Variants in ADAM9 observed in about 807,000 individuals in gnomAD.
The protein encoded by ADAM9 is disintegrin and metalloproteinase domain-containing protein 9.
ADAM9 carries 54 observed loss-of-function variants against 108.1 expected under a neutral mutation model. The ratio of observed to expected loss-of-function variants is 0.50; its 90% CI spans 0.40 to 0.63. The LOEUF (loss-of-function observed/expected upper bound fraction) is 0.63. Among genes scored for constraint, ADAM9 ranks in the 20% least tolerant of loss-of-function variants. The pLI is 0.00. For synonymous variants in ADAM9, 316 were observed against 336.0 expected, an observed-to-expected ratio of 0.94 and a Z score of 0.65; for missense variants, 830 against 997.7, an observed-to-expected ratio of 0.83 and a Z score of 2.26.
chr8:39,083,850 G>T (rs900466550), intron 18 of ADAM9, among the ~76,000 whole-genome samples: 1 of 152,104 alleles, frequency 6.6e-6, no homozygotes, highest in Non-Finnish European at 1.5e-5. Flanking sequence ...CTACCAGCTA[G>T]AATGACTAGT....
chr8:39,030,547 T>A (rs1837064770), intron 11 of ADAM9, among the ~76,000 whole-genome samples: 1 of 152,224 alleles, frequency 6.6e-6, no homozygotes. Context: ...TGAAAAAAGC[T>A]GCCATAAGTG....
At chr8:39,008,179 T>TA (rs1332565284) in intron 2 of ADAM9, among the ~76,000 whole-genome samples, 196 bp downstream of exon 2, 1 of 151,962 alleles carries the variant, frequency 6.6e-6, no homozygotes, top group East Asian at 1.9e-4. Flanking sequence ...TATCCTTTTT[T>TA]TTTTTTTAAA....
chr8:39,103,079 G>C (rs1246321112), intron 21 of ADAM9, among the ~76,000 whole-genome samples: 1 of 152,220 alleles, frequency 6.6e-6, no homozygotes, highest in Non-Finnish European at 1.5e-5. Context: ...AGTGTTACTG[G>C]AGTAGAGGTG....
intron 1 of ADAM9, among the ~76,000 whole-genome samples, chr8:39,007,200 G>A (rs1261577328): frequency 6.6e-6 from 1 of 152,166 alleles, no homozygotes; most frequent in Non-Finnish European, 1.5e-5. Flanking sequence ...AGATGGGGGA[G>A]AGAGGCTCTT....
chr8:39,101,881 T>C lies in ADAM9; in HGVS notation c.2317T>C (p.Phe773Leu). 6.2e-7 allele frequency: 1 copy of C among 1,613,638 alleles called. No homozygotes were observed. Among genetic ancestry groups the C allele is most frequent in the Non-Finnish European group, 8.5e-7 (1 of 1,179,638 alleles). ...PREVPIYANR[F>L]AVPTYAAKQP... Reference sequence around the variant, plus strand: ...TTTTTAGCCTATATATGCAAACAGATTTGCAGTACCAACCTATGCAGCCAA... The same window carrying C: ...TTTTTAGCCTATATATGCAAACAGACTTGCAGTACCAACCTATGCAGCCAA... Residue 773 changes from phenylalanine to leucine, a missense_variant, in exon 21 of 22, where the codon TTT becomes CTT. By Grantham distance (22) the Phe-to-Leu change is conservative (BLOSUM62 0). Around this residue, in one of 3 missense-constraint regions of ADAM9, gnomAD observed 238 missense variants for 235.7 expected, o/e 1.01. Transcript: ENST00000487273.
At chr8:39,103,402 T>C (rs1839761238) in intron 21 of ADAM9, among the ~76,000 whole-genome samples, 1 of 151,972 alleles carries the variant, frequency 6.6e-6, no homozygotes, top group Non-Finnish European at 1.5e-5. Flanking sequence ...TATGGAGTAA[T>C]ATTATTTAAA....
At chr8:39,031,351 C>T (rs573318712) in intron 11 of ADAM9, among the ~76,000 whole-genome samples, 1 of 152,300 alleles carries the variant, frequency 6.6e-6, no homozygotes, top group East Asian at 1.9e-4. Flanking sequence ...GCTCCTTTGT[C>T]AGAGATCAGT....
chr8:39,054,401 A>T, intron 12 of ADAM9, 80 bp from the exon 13 acceptor site: 1 of 1,220,834 alleles, frequency 8.2e-7, no homozygotes, highest in Non-Finnish European at 1.2e-6. Context: ...AGTAGATTTT[A>T]GGTGTAAGAT....
chr8:39,041,071 T>C (rs758957230), intron 11 of ADAM9, among the ~76,000 whole-genome samples: 55 of 152,106 alleles, frequency 3.6e-4, no homozygotes, highest in Middle Eastern at 3.2e-3. Flanking sequence ...CACCAAAAAC[T>C]CAGTCTACAA....
intron 11 of ADAM9, among the ~76,000 whole-genome samples, chr8:39,030,991 AAT>A (rs1262657472): frequency 1.3e-5 from 2 of 152,182 alleles, no homozygotes; most frequent in African/African-American, 4.8e-5. Context: ...TCTTTTATCA[AAT>A]ATGTCTTTTG....
At chr8:39,005,791 A>G (rs181405360) in intron 1 of ADAM9, among the ~76,000 whole-genome samples, 1 of 152,226 alleles carries the variant, frequency 6.6e-6, no homozygotes, top group Non-Finnish European at 1.5e-5. Context: ...ATAGGATATG[A>G]TGGGTAGCAA....
At chr8:39,035,352 GTC>G (rs1021846820) in intron 11 of ADAM9, among the ~76,000 whole-genome samples, 2 of 151,910 alleles carry the variant, frequency 1.3e-5, no homozygotes, top group Admixed American at 6.6e-5. Flanking sequence ...TGTCACTTTT[GTC>G]TCTGATCATA....
At chr8:39,038,657 C>T (rs1004616677) in intron 11 of ADAM9, among the ~76,000 whole-genome samples, 1 of 152,262 alleles carries the variant, frequency 6.6e-6, no homozygotes, top group East Asian at 1.9e-4. Flanking sequence ...TCATCCCTTG[C>T]ACCAAGAAGA....
chr8:39,054,577 A>G lies in ADAM9; in HGVS notation c.1395+4A>G. 1.3e-6 allele frequency: 2 copies of G among 1,541,334 alleles called. No homozygotes were observed. The highest frequency in any genetic ancestry group is 1.8e-6 in the Non-Finnish European group (2 of 1,118,940). On this transcript the variant is annotated splice_donor_region_variant and intron_variant, in intron 13 of 21. Coordinates refer to ENST00000487273, the MANE Select transcript of ADAM9 (RefSeq NM_003816.3). ...TGACTGTTGTAAAGACTGTCGGGTA[A>G]GGAATTCCTCCCTTTTGGAAACAGG... is the stretch of plus-strand genomic sequence containing the variant.
chr8:39,018,564 A>G (rs1468655145), intron 6 of ADAM9: 1 of 383,980 alleles, frequency 2.6e-6, no homozygotes, highest in Non-Finnish European at 4.8e-6. Context: ...TGTAACTAAC[A>G]TTTTTCTCAT....
At chr8:39,036,041 A>G (rs765393431) in intron 11 of ADAM9, among the ~76,000 whole-genome samples, 3 of 149,376 alleles carry the variant, frequency 2.0e-5, no homozygotes, top group Non-Finnish European at 3.0e-5. Flanking sequence ...TTTTTTTTTT[A>G]GATGCTAGTG....
chr8:39,030,067 A>G (rs574850703), intron 11 of ADAM9, among the ~76,000 whole-genome samples: 29 of 152,252 alleles, frequency 1.9e-4, no homozygotes, highest in African/African-American at 6.5e-4. Context: ...ACAGAGTGGT[A>G]TGGTTGTTAA....
chr8:39,014,571 T>A lies in ADAM9; in HGVS notation c.333+528T>A, dbSNP rs1395984117. 5.7e-6 allele frequency: 4 copies of A among 702,500 alleles called. No individual in the cohort carries two copies. In the African/African-American group the frequency reaches 7.0e-5, roughly 12 times the overall value. 43.5% of individuals were successfully genotyped at this position (702,500 alleles called of 1,614,324 possible). On this transcript the variant is annotated intron_variant, in intron 4 of 21. Coordinates refer to ENST00000487273, the MANE Select transcript of ADAM9 (RefSeq NM_003816.3). ...CAGAATACCCAAAATAATTGGCAGA[T>A]GTCAAATTTGGCTTTCTGTGTTTAT...
At chr8:39,014,412 T>G in intron 4 of ADAM9, 1 of 591,856 alleles carries the variant, frequency 1.7e-6, no homozygotes, top group Non-Finnish European at 3.0e-6. Flanking sequence ...GTCAGTGATA[T>G]TTAGTAAAGA....
Sources: allele counts gnomAD v4.1 joint callset (sites outside exome capture counted in the v4.1 genomes callset), GRCh38; gene constraint gnomAD v4.1.1; regional missense constraint gnomAD v4.1.1; transcripts MANE v1.5; gene names NCBI Gene and HGNC (gene_info 2026-07-23, HGNC 2026-07-21).